Variants in ATXN2 observed in about 807,000 individuals in gnomAD.
ATXN2 encodes ataxin 2.
A neutral mutation model predicts 138.6 loss-of-function variants in ATXN2; 37 were observed. The observed-to-expected ratio is 0.27, with a 90% CI of 0.21 to 0.35. The LOEUF is 0.35. Among genes scored for constraint, ATXN2 ranks in the 10% least tolerant of loss-of-function variants. The probability of loss-of-function intolerance (pLI) is 1.00; values close to 1 mark genes in which losing one functional copy is unlikely to be tolerated. For missense variants in ATXN2, 1,216 were observed against 1,480.3 expected (o/e 0.82, Z 2.93); for synonymous variants, 549 against 543.7 (o/e 1.01, Z -0.13).
chr12:111,535,649 A>G (rs1042909682), intron 5 of ATXN2, among the ~76,000 whole-genome samples: 1 of 151,662 alleles, frequency 6.6e-6, no homozygotes, highest in Non-Finnish European at 1.5e-5. Flanking sequence ...GAAGGCACAA[A>G]GTTGGTGATG....
chr12:111,536,155 C>T (rs1396764903), intron 5 of ATXN2, among the ~76,000 whole-genome samples: 1 of 152,136 alleles, frequency 6.6e-6, no homozygotes, highest in Non-Finnish European at 1.5e-5. Context: ...CTAATAAAAG[C>T]AATGTCTAAG....
chr12:111,599,206 G>A lies in ATXN2; in HGVS notation c.-172C>T, dbSNP rs1885131706. On this transcript the variant is annotated 5_prime_UTR_variant, in exon 1 of 25. Transcript: ENST00000673436. Reference sequence around the variant, plus strand: ...CGAGGGGGAGAAGGAGGACGACGAAGGGGCGGGGAGGCCCGCCGAGACCAA... The same window carrying A: ...CGAGGGGGAGAAGGAGGACGACGAAAGGGCGGGGAGGCCCGCCGAGACCAA... 3.3e-6 allele frequency: 4 copies of A among 1,202,804 alleles called. No individual in the cohort carries two copies. Among genetic ancestry groups the A allele is most frequent in the Non-Finnish European group, 3.1e-6 (3 of 969,938 alleles). 74.5% of individuals were successfully genotyped at this position (1,202,804 alleles called of 1,614,324 possible).
Position 111,453,064 on chromosome 12 carries a change from A to C in ATXN2, c.3440-224T>G. On this transcript the variant is annotated intron_variant, in intron 24 of 24. Transcript: ENST00000673436. The surrounding 1 kb of genome is among the most constrained non-coding windows in gnomAD (Gnocchi z 5.4). ...AACCACTTCAGATAAAACTCCCAGA[A>C]GACTTGTTCATGGGGTAGAAAAAAA... 1 of 1,292,240 alleles carries C rather than the reference A, an allele frequency of 7.7e-7. No homozygotes were observed. Among genetic ancestry groups the C allele is most frequent in the Non-Finnish European group, 9.8e-7 (1 of 1,022,110 alleles). 80.0% of individuals were successfully genotyped at this position (1,292,240 alleles called of 1,614,324 possible). A position where few individuals can be genotyped will look rare whatever the true frequency, so the allele number is the denominator to read the frequency against.
chr12:111,489,313 A>G (rs1232468652), intron 14 of ATXN2, among the ~76,000 whole-genome samples: 1 of 152,188 alleles, frequency 6.6e-6, no homozygotes, highest in Non-Finnish European at 1.5e-5. Context: ...TCTATCACAT[A>G]AAACAATAGC....
intron 1 of ATXN2, among the ~76,000 whole-genome samples, chr12:111,597,447 CG>C (rs1884993365): frequency 6.6e-6 from 1 of 152,188 alleles, no homozygotes; most frequent in South Asian, 2.1e-4. Context: ...GCCTACAACA[CG>C]GATGGACTTG....
chr12:111,541,291 C>T (rs775065412), intron 5 of ATXN2, among the ~76,000 whole-genome samples: 1 of 148,762 alleles, frequency 6.7e-6, no homozygotes, highest in Admixed American at 6.7e-5. Flanking sequence ...AATAAAATAC[C>T]CACATAAATT....
chr12:111,573,311 A>G (rs567567865), intron 1 of ATXN2, among the ~76,000 whole-genome samples: 1 of 152,248 alleles, frequency 6.6e-6, no homozygotes, highest in South Asian at 2.1e-4. Flanking sequence ...TCCTTGCCTC[A>G]GCCTACTGAG....
Position 111,457,307 on chromosome 12 carries a change from G to C in ATXN2, c.2949C>G (p.His983Gln), listed in dbSNP as rs1456633992. The C allele has an allele frequency of 5.0e-6, 8 of 1,614,000 alleles. No homozygotes were observed. Among genetic ancestry groups the C allele is most frequent in the Non-Finnish European group, 6.8e-6 (8 of 1,180,028 alleles). Residue 983 changes from histidine to glutamine, a missense_variant, in exon 22 of 25, where the codon CAC becomes CAG. This residue lies in a region of ATXN2 where 490 missense variants were observed against 653.5 expected (regional missense o/e 0.75). Transcript: ENST00000673436. ...QQYAHPNATL[H>Q]PHTPHPQPSA... is the part of the protein sequence containing the mutation. ...AAGGCTGAGGGTGTGGAGTATGTGG[G>C]TGCAGGGTAGCGTTAGGGTGCGCAT...
At chr12:111,550,470 G>C (rs899615663) in intron 5 of ATXN2, among the ~76,000 whole-genome samples, 3 of 151,134 alleles carry the variant, frequency 2.0e-5, no homozygotes, top group Non-Finnish European at 4.4e-5. Context: ...CTTTTTTTTT[G>C]TTGTGGCCAA....
intron 5 of ATXN2, among the ~76,000 whole-genome samples, chr12:111,544,047 A>G (rs1378651707): frequency 6.6e-6 from 1 of 152,184 alleles, no homozygotes; most frequent in East Asian, 1.9e-4. Context: ...ACTGCATTCC[A>G]GCCTGAGTGA....
In ATXN2 at chr12:111,599,260, G is replaced by A. The variant is rs898602253; in HGVS notation, c.-226C>T. ...GCCGCCGGGAGCCGGGCCGAAACGC[G>A]CCGCCGCCGTTGCCGTTGCTACCAA... is the stretch of plus-strand genomic sequence containing the variant. On this transcript the variant is annotated 5_prime_UTR_variant, in exon 1 of 25. Coordinates refer to ENST00000673436, the MANE Select transcript of ATXN2 (RefSeq NM_001372574.1). 2 of 1,104,136 alleles carry A rather than the reference G, an allele frequency of 1.8e-6. No individual in the cohort carries two copies. The highest frequency in any genetic ancestry group is 1.7e-5 in the African/African-American group (1 of 58,786). The allele number at this position is 1,104,136 out of a possible 1,614,324, so 68.4% of individuals were successfully genotyped here. A position where few individuals can be genotyped will look rare whatever the true frequency, so the allele number is the denominator to read the frequency against.
chr12:111,588,220 TAAAAC>T (rs1377755655), intron 1 of ATXN2, among the ~76,000 whole-genome samples: 5 of 151,038 alleles, frequency 3.3e-5, no homozygotes, highest in Non-Finnish European at 5.9e-5. Context: ...AATAAATAAA[TAAAAC>T]AAATTGACAT....
Position 111,453,966 on chromosome 12 carries a change from A to G in ATXN2, c.3271-121T>C. 1 of 961,728 alleles carries G rather than the reference A, an allele frequency of 1.0e-6. No homozygotes were observed. Among genetic ancestry groups the G allele is most frequent in the Non-Finnish European group, 1.5e-6 (1 of 656,376 alleles). 59.6% of individuals were successfully genotyped at this position (961,728 alleles called of 1,614,324 possible). On this transcript the variant is annotated intron_variant, in intron 23 of 24. Coordinates refer to ENST00000673436, the MANE Select transcript of ATXN2 (RefSeq NM_001372574.1). This position sits in a 1 kb window ranked among gnomAD's most constrained non-coding sequence, Gnocchi z 5.4. ...AGGGCAACGGTGGGCCTCAGGGCCC[A>G]GTTCTGTTCTCTGGGGACAATCTCT...
chr12:111,470,591 G>C lies in ATXN2; in HGVS notation c.2676C>G (p.Pro892=), dbSNP rs749851404. 2 of 1,614,124 alleles carry C rather than the reference G, an allele frequency of 1.2e-6. No individual in the cohort carries two copies. The highest frequency in any genetic ancestry group is 2.2e-5 in the South Asian group (2 of 91,078). The change falls in exon 19 of 25, where the codon CCC becomes CCG. Residue 892 remains proline, a synonymous_variant. Transcript: ENST00000673436. ...AYSPQQFPNQ[P]LVQHVPHYQS... ...GATAATGTGGCACATGCTGAACAAG[G>C]GGCTGATTTGGGAACTGCTGAGGAC...
In ATXN2 at chr12:111,509,898, T is replaced by G; in HGVS notation, c.1857A>C (p.Glu619Asp). 6.2e-7 allele frequency: 1 copy of G among 1,607,780 alleles called. No individual in the cohort carries two copies. Residue 619 changes from glutamate (E) to aspartate (D), a missense_variant, in exon 13 of 25, where the codon GAA becomes GAC. Glu to Asp is a conservative substitution (Grantham distance 45, BLOSUM62 2). Around this residue, in one of 4 missense-constraint regions of ATXN2, gnomAD observed 215 missense variants for 210.0 expected, o/e 1.02. Coordinates refer to ENST00000673436, the MANE Select transcript of ATXN2 (RefSeq NM_001372574.1). Reference protein sequence around the residue: ...NETSPSFSKAENKGISPVVSE... With the variant: ...NETSPSFSKADNKGISPVVSE... ...GACTCTTTAAACTCTAACCTTTGTT[T>G]TCAGCTTTTGAGAAGCTAGGTGATG...
intron 5 of ATXN2, among the ~76,000 whole-genome samples, chr12:111,529,336 G>A (rs186737969): frequency 1.4e-5 from 2 of 148,098 alleles, no homozygotes; most frequent in East Asian, 2.1e-4. Flanking sequence ...CAAGATGCAA[G>A]AATACAACGT....
At chr12:111,517,005 G>T (rs574303233) in intron 9 of ATXN2, among the ~76,000 whole-genome samples, 6 of 151,982 alleles carry the variant, frequency 3.9e-5, no homozygotes. Context: ...CAAAAAAAAA[G>T]TCTTGACCTC....
chr12:111,535,551 G>A (rs1224616555), intron 5 of ATXN2, among the ~76,000 whole-genome samples: 3 of 152,070 alleles, frequency 2.0e-5, no homozygotes, highest in Non-Finnish European at 4.4e-5. Flanking sequence ...GAACCCGGGA[G>A]GCAGAGGTTG....
intron 6 of ATXN2, among the ~76,000 whole-genome samples, chr12:111,523,353 A>G (rs1173534473): frequency 1.3e-5 from 2 of 152,230 alleles, no homozygotes; most frequent in South Asian, 2.1e-4. Context: ...TAGTGTTTCA[A>G]TTGAATGGTG....
Sources: allele counts gnomAD v4.1 joint callset (sites outside exome capture counted in the v4.1 genomes callset), GRCh38; gene constraint gnomAD v4.1.1; regional missense constraint gnomAD v4.1.1; non-coding constraint Gnocchi (gnomAD v3.1); transcripts MANE v1.5; gene names NCBI Gene and HGNC (gene_info 2026-07-23, HGNC 2026-07-21).